Variants in PPM1D observed in about 807,000 individuals in gnomAD.
PPM1D encodes the protein protein phosphatase 1D.
In PPM1D, 52 loss-of-function variants were observed where a neutral mutation model predicts 58.3. The ratio of observed to expected loss-of-function variants is 0.89; its 90% confidence interval spans 0.71 to 1.12. PPM1D has a LOEUF of 1.12. Ranked by LOEUF, PPM1D falls within the 50% of genes most tolerant of loss-of-function variation. The probability of loss-of-function intolerance (pLI) is 0.00; values close to 1 mark genes in which losing one functional copy is unlikely to be tolerated. For synonymous variants in PPM1D, 278 were observed against 285.1 expected, an observed-to-expected ratio of 0.98 and a Z score of 0.25; for missense variants, 564 against 777.2, an observed-to-expected ratio of 0.73 and a Z score of 3.26.
At chr17:60,633,779 A>T (rs890771487) in intron 2 of PPM1D, 74 bp from the exon 3 acceptor site, 1 of 1,361,498 alleles carries the variant, frequency 7.3e-7, no homozygotes, top group Non-Finnish European at 1.0e-6. Context: ...TTTATTAGTG[A>T]TTTAATATAC....
intron 3 of PPM1D, among the ~76,000 whole-genome samples, chr17:60,641,053 G>A (rs985395496): frequency 2.0e-5 from 3 of 152,026 alleles, no homozygotes; most frequent in Non-Finnish European, 2.9e-5. Flanking sequence ...GAATAGTGCT[G>A]CAATGAACAT....
intron 2 of PPM1D, among the ~76,000 whole-genome samples, chr17:60,626,421 G>A (rs2030810002): frequency 6.6e-6 from 1 of 150,552 alleles, no homozygotes; most frequent in African/African-American, 2.4e-5. Flanking sequence ...TTGAAACGGA[G>A]TCTGGCTCTT....
rs756806603 is a variant in PPM1D, at chr17:60,663,136, T to A, written c.1402T>A (p.Ser468Thr). 1 of 1,614,120 alleles carries A rather than the reference T, an allele frequency of 6.2e-7. No homozygotes were observed. The highest frequency in any genetic ancestry group is 1.1e-5 in the South Asian group (1 of 91,090). ...RENVQGVVIP[S>T]KDPEPLEENC... ...GAATGTCCAAGGTGTAGTCATACCCTCAAAAGATCCAGAACCACTTGAAGA... is the reference window on the plus strand; with the variant it reads ...GAATGTCCAAGGTGTAGTCATACCCACAAAAGATCCAGAACCACTTGAAGA... Residue 468 changes from serine to threonine, a missense_variant, in exon 6 of 6, where the codon TCA (serine) becomes ACA (threonine). Transcript: ENST00000305921.
Position 60,640,104 on chromosome 17 carries a change from A to G in PPM1D, c.826+6127A>G, listed in dbSNP as rs186729591. 1.3e-3 allele frequency among the ~76,000 whole-genome samples: 200 copies of G among 152,300 alleles called. 1 individual carries two copies. The highest frequency in any genetic ancestry group is 1.5e-3 in the Non-Finnish European group (104 of 68,030). On this transcript the variant is annotated intron_variant, in intron 3 of 5. Transcript: ENST00000305921. ...GAGGCCAAGGCAGGTGGATTGCTTG[A>G]GTTCAAGGAGTTCAAGACCAGCTGG... is the stretch of plus-strand genomic sequence containing the variant.
Position 60,666,084 on chromosome 17 carries a change from A to G in PPM1D, c.*2532A>G, listed in dbSNP as rs948996111. On this transcript the variant is annotated 3_prime_UTR_variant, in exon 6 of 6. Transcript: ENST00000305921. ...TGTCATCTGGAAGGAGGCTGTCACAACCTGGAAGTTAAAAGCATTGATATT... is the reference window on the plus strand; with the variant it reads ...TGTCATCTGGAAGGAGGCTGTCACAGCCTGGAAGTTAAAAGCATTGATATT... 1 of 152,188 alleles carries G rather than the reference A, an allele frequency of 6.6e-6. No individual in the cohort carries two copies. The highest frequency in any genetic ancestry group is 1.5e-5 in the Non-Finnish European group (1 of 68,038). The allele number at this position is 152,188 out of a possible 1,614,324, so 9.4% of individuals were successfully genotyped here.
At chr17:60,637,386 A>T (rs1346638527) in intron 3 of PPM1D, among the ~76,000 whole-genome samples, 1 of 152,168 alleles carries the variant, frequency 6.6e-6, no homozygotes, top group African/African-American at 2.4e-5. Context: ...GATTACAGGC[A>T]TGAGCCACTG....
rs1473728855 is a variant in PPM1D, at chr17:60,663,687, T to G, written c.*135T>G. The stretch of plus-strand genomic sequence containing the variant: ...AGTTTGACTTTTTGGAATTCAGCAG[T>G]TTTATCCTGGCCTTGTACTTGCTTG... On this transcript the variant is annotated 3_prime_UTR_variant, in exon 6 of 6. Transcript: ENST00000305921. 7 of 919,374 alleles carry G rather than the reference T, an allele frequency of 7.6e-6. No individual in the cohort carries two copies. In the East Asian group the frequency reaches 1.6e-4, roughly 21 times the overall value. The allele number at this position is 919,374 out of a possible 1,614,324, so 57.0% of individuals were successfully genotyped here. A position where few individuals can be genotyped will look rare whatever the true frequency, so the allele number is the denominator to read the frequency against.
In PPM1D at chr17:60,600,764, G is replaced by A. The variant is rs1312609701; in HGVS notation, c.350G>A (p.Arg117Gln). ...GGGCGGGAGGCGGCACAGTTTGCCCGGGAGCACTTGTGGGGTTTCATCAAG... is the reference window on the plus strand; with the variant it reads ...GGGCGGGAGGCGGCACAGTTTGCCCAGGAGCACTTGTGGGGTTTCATCAAG... ...HGGREAAQFA[R>Q]EHLWGFIKKQ... Residue 117 changes from arginine (R) to glutamine (Q), a missense_variant, in exon 1 of 6, where the codon CGG (arginine) becomes CAG (glutamine). Arg to Gln is a conservative substitution (Grantham distance 43). Transcript: ENST00000305921. 4 of 1,612,386 alleles carry A rather than the reference G, an allele frequency of 2.5e-6. No individual in the cohort carries two copies. Among genetic ancestry groups the A allele is most frequent in the Non-Finnish European group, 3.4e-6 (4 of 1,179,836 alleles).
At chr17:60,615,738 C>T (rs1343572555) in intron 1 of PPM1D, among the ~76,000 whole-genome samples, 2 of 144,186 alleles carry the variant, frequency 1.4e-5, no homozygotes, top group Admixed American at 7.1e-5. Context: ...TGGTCTTGAA[C>T]TCCTGGGCTG....
chr17:60,623,279 T>C (rs1372822484), intron 1 of PPM1D, among the ~76,000 whole-genome samples: 1 of 152,222 alleles, frequency 6.6e-6, no homozygotes, highest in Non-Finnish European at 1.5e-5. Context: ...TGTCCTGTAA[T>C]ATATTTCTCT....
At chr17:60,636,740 C>G (rs1306590354) in intron 3 of PPM1D, among the ~76,000 whole-genome samples, 2 of 151,248 alleles carry the variant, frequency 1.3e-5, no homozygotes, top group African/African-American at 4.9e-5. Flanking sequence ...GTGCCCTAGG[C>G]TAGAGCTCAT....
chr17:60,643,501 C>T (rs1438956995), intron 3 of PPM1D, among the ~76,000 whole-genome samples: 2 of 152,000 alleles, frequency 1.3e-5, no homozygotes, highest in South Asian at 2.1e-4. Flanking sequence ...AGTTTATAAC[C>T]GTTATAATAA....
chr17:60,639,269 C>G (rs1451550960), intron 3 of PPM1D, among the ~76,000 whole-genome samples: 1 of 151,946 alleles, frequency 6.6e-6, no homozygotes, highest in Non-Finnish European at 1.5e-5. Flanking sequence ...GCACCCGCCA[C>G]CATGCTCGGC....
At chr17:60,616,179 T>G (rs190509349) in intron 1 of PPM1D, among the ~76,000 whole-genome samples, 1 of 151,422 alleles carries the variant, frequency 6.6e-6, no homozygotes, top group Non-Finnish European at 1.5e-5. Flanking sequence ...TCCCAGCTAC[T>G]CTGGAAGCTG....
intron 3 of PPM1D, among the ~76,000 whole-genome samples, chr17:60,638,781 A>C (rs1199289460): frequency 6.6e-6 from 1 of 152,026 alleles, no homozygotes; most frequent in Non-Finnish European, 1.5e-5. Context: ...TTTAGCACAC[A>C]CCCTTATGGT....
chr17:60,645,500 A>ATGTG (rs1175868354), intron 3 of PPM1D, among the ~76,000 whole-genome samples: 10 of 123,306 alleles, frequency 8.1e-5, no homozygotes, highest in South Asian at 4.9e-4. Flanking sequence ...GTGTATGTGT[A>ATGTG]TATATATATG....
chr17:60,631,078 C>T (rs187849815), intron 2 of PPM1D, among the ~76,000 whole-genome samples: 32 of 152,336 alleles, frequency 2.1e-4, no homozygotes, highest in Non-Finnish European at 3.8e-4. Context: ...CATGGTGGCT[C>T]ACGCCTGTAA....
chr17:60,623,469 G>C (rs926071440), intron 1 of PPM1D, 52 bp from the exon 2 acceptor site: 1 of 1,504,238 alleles, frequency 6.6e-7, no homozygotes, highest in Non-Finnish European at 9.0e-7. Context: ...TATCCTGACA[G>C]TGTATTAATG....
chr17:60,643,286 T>TG (rs1199847538), intron 3 of PPM1D, among the ~76,000 whole-genome samples: 3 of 151,724 alleles, frequency 2.0e-5, no homozygotes, highest in Admixed American at 2.0e-4. Context: ...GGAAGGCAGG[T>TG]GAGAGAACTG....
Sources: gnomAD v4.1 joint callset for allele counts (sites outside exome capture counted in the v4.1 genomes callset) on GRCh38, gnomAD v4.1.1 for gene constraint, MANE v1.5 for transcripts, NCBI Gene and HGNC (gene_info 2026-07-23, HGNC 2026-07-21) for gene names.